Variants in FMNL2 observed in about 807,000 individuals in gnomAD.
FMNL2 encodes the protein formin like 2, also known as formin-like protein 2.
FMNL2 carries 51 observed loss-of-function variants against 130.2 expected under a neutral mutation model. That is an observed-to-expected ratio of 0.39 (90% CI 0.31 to 0.49). The LOEUF (loss-of-function observed/expected upper bound fraction) is 0.49. Among genes scored for constraint, FMNL2 ranks in the 20% least tolerant of loss-of-function variants. The probability of loss-of-function intolerance (pLI) is 0.85; values close to 1 mark genes in which losing one functional copy is unlikely to be tolerated. For synonymous variants in FMNL2, 465 were observed against 467.1 expected (o/e 1.00, Z 0.06); for missense variants, 977 against 1,316.2 (o/e 0.74, Z 3.99).
chr2:152,646,117 C>G (rs1171345870), intron 25 of FMNL2, among the ~76,000 whole-genome samples: 3 of 145,262 alleles, frequency 2.1e-5, no homozygotes, highest in African/African-American at 5.1e-5. Flanking sequence ...CTGTTGAGTT[C>G]AAGATCACCC....
At chr2:152,478,966 A>C (rs1342865632) in intron 1 of FMNL2, among the ~76,000 whole-genome samples, 1 of 152,212 alleles carries the variant, frequency 6.6e-6, no homozygotes, top group Non-Finnish European at 1.5e-5. Context: ...CTCAAGAAGA[A>C]TAACAAATAA....
intron 1 of FMNL2, among the ~76,000 whole-genome samples, chr2:152,345,329 A>G (rs940471204): frequency 6.6e-5 from 10 of 152,240 alleles, no homozygotes; most frequent in African/African-American, 2.4e-4. Flanking sequence ...ATCTGCCCTC[A>G]TTGAATAAAT....
At chr2:152,426,066 A>G (rs1177262090) in intron 1 of FMNL2, among the ~76,000 whole-genome samples, 6 of 152,208 alleles carry the variant, frequency 3.9e-5, no homozygotes, top group Non-Finnish European at 7.3e-5. Context: ...AGAAGTTTTA[A>G]CATCTACCTC....
chr2:152,502,870 G>A (rs1484636993), intron 1 of FMNL2, among the ~76,000 whole-genome samples: 1 of 152,158 alleles, frequency 6.6e-6, no homozygotes, highest in Non-Finnish European at 1.5e-5. Flanking sequence ...GCTATATTGA[G>A]AGAAGGGGGT....
At chr2:152,590,386 G>A (rs1697361544) in intron 9 of FMNL2, among the ~76,000 whole-genome samples, 1 of 152,106 alleles carries the variant, frequency 6.6e-6, no homozygotes, top group Admixed American at 6.5e-5. Context: ...GGGAGGCCAA[G>A]GCAGGCGGAT....
At chr2:152,343,892 C>T (rs1022422016) in intron 1 of FMNL2, among the ~76,000 whole-genome samples, 2 of 152,166 alleles carry the variant, frequency 1.3e-5, no homozygotes, top group Non-Finnish European at 2.9e-5. Flanking sequence ...GTGGCTCACG[C>T]CTGTAATCCC....
chr2:152,548,339 GA>G (rs1275353878), intron 3 of FMNL2, among the ~76,000 whole-genome samples: 2 of 152,212 alleles, frequency 1.3e-5, no homozygotes, highest in East Asian at 1.9e-4. Flanking sequence ...TTTGACGGGG[GA>G]AAGTTCCTAC....
At chr2:152,497,384 T>G (rs1391887756) in intron 1 of FMNL2, among the ~76,000 whole-genome samples, 1 of 152,220 alleles carries the variant, frequency 6.6e-6, no homozygotes, top group Non-Finnish European at 1.5e-5. Flanking sequence ...CTCTACCTAC[T>G]TTGTGCTTTT....
chr2:152,460,620 G>A (rs1483078126), intron 1 of FMNL2, among the ~76,000 whole-genome samples: 1 of 152,218 alleles, frequency 6.6e-6, no homozygotes, highest in Non-Finnish European at 1.5e-5. Context: ...GGGCAAGTGA[G>A]CAAAGCTTTG....
intron 9 of FMNL2, among the ~76,000 whole-genome samples, chr2:152,584,128 A>T (rs941272342): frequency 2.0e-5 from 3 of 147,212 alleles, no homozygotes; most frequent in African/African-American, 7.5e-5. Flanking sequence ...GCGTGAGTGA[A>T]TTTTTTTTTT....
At chr2:152,599,441 G>A (rs1260141125) in intron 9 of FMNL2, among the ~76,000 whole-genome samples, 1 of 81,134 alleles carries the variant, frequency 1.2e-5, no homozygotes, top group Admixed American at 1.6e-4. Flanking sequence ...TTTTTTTAGA[G>A]AGGTAGTAAA....
intron 1 of FMNL2, among the ~76,000 whole-genome samples, chr2:152,453,943 G>A (rs1470762329): frequency 6.6e-6 from 1 of 152,132 alleles, no homozygotes; most frequent in Non-Finnish European, 1.5e-5. Flanking sequence ...CTCAGGTATT[G>A]TATTGTGGGG....
intron 1 of FMNL2, among the ~76,000 whole-genome samples, chr2:152,371,403 G>A (rs1271122547): frequency 6.6e-6 from 1 of 152,042 alleles, no homozygotes; most frequent in Non-Finnish European, 1.5e-5. Flanking sequence ...GGGCGCGGTG[G>A]CTCATGCCTG....
chr2:152,584,826 T>C (rs1471791032), intron 9 of FMNL2, among the ~76,000 whole-genome samples: 1 of 152,230 alleles, frequency 6.6e-6, no homozygotes, highest in African/African-American at 2.4e-5. Context: ...ATATTTTTTT[T>C]CCTTAAAAAA....
chr2:152,491,847 G>A (rs1373981782), intron 1 of FMNL2, among the ~76,000 whole-genome samples: 2 of 152,032 alleles, frequency 1.3e-5, no homozygotes, highest in Admixed American at 6.6e-5. Context: ...GCTACTCGGG[G>A]GGTTGAGGCA....
intron 6 of FMNL2, among the ~76,000 whole-genome samples, chr2:152,570,686 C>T (rs114127845): frequency 3.9e-5 from 6 of 152,322 alleles, no homozygotes; most frequent in African/African-American, 1.4e-4. Flanking sequence ...CCTCACATCT[C>T]AGGGAACCTT....
rs1322097317 is a variant in FMNL2, at chr2:152,358,765, A to T, written c.117+23045A>T. ...TAATGGGAGTCAACTATCTCTTGTCATATTGATGGACATATGAGGTTATTA... is the reference window on the plus strand; with the variant it reads ...TAATGGGAGTCAACTATCTCTTGTCTTATTGATGGACATATGAGGTTATTA... On this transcript the variant is annotated intron_variant, in intron 1 of 25. Transcript: ENST00000288670. Among the ~76,000 whole-genome samples the T allele has an allele frequency of 5.9e-5, 9 of 152,328 alleles. No individual in the cohort carries two copies. In the East Asian group the frequency reaches 1.7e-3, roughly 29 times the overall value.
chr2:152,589,238 C>T (rs909457616), intron 9 of FMNL2, among the ~76,000 whole-genome samples: 3 of 152,094 alleles, frequency 2.0e-5, no homozygotes, highest in Admixed American at 1.3e-4. Context: ...CCTTCTGCTC[C>T]ACGCAAGCCT....
At chr2:152,533,415 C>T (rs1693816301) in intron 2 of FMNL2, among the ~76,000 whole-genome samples, 1 of 151,998 alleles carries the variant, frequency 6.6e-6, no homozygotes, top group African/African-American at 2.4e-5. Flanking sequence ...CTTTGAAAAC[C>T]AATTGGCCAT....
Sources: gnomAD v4.1 joint callset for allele counts (sites outside exome capture counted in the v4.1 genomes callset) on GRCh38, gnomAD v4.1.1 for gene constraint, MANE v1.5 for transcripts, NCBI Gene and HGNC (gene_info 2026-07-23, HGNC 2026-07-21) for gene names.